The following SGMS1 variants were observed in gnomAD, a reference collection of about 807,000 sequenced individuals.
SGMS1 encodes phosphatidylcholine:ceramide cholinephosphotransferase 1.
SGMS1 carries 13 observed loss-of-function variants against 46.2 expected under a neutral mutation model. That is an observed-to-expected ratio of 0.28 (90% CI 0.18 to 0.45). SGMS1 has a LOEUF of 0.45. Among genes scored for constraint, SGMS1 ranks in the 20% least tolerant of loss-of-function variants. The pLI is 1.00. For missense variants in SGMS1, 324 were observed against 519.9 expected (o/e 0.62, Z 3.66); for synonymous variants, 203 against 187.8 (o/e 1.08, Z -0.66).
At chr10:50,362,778 C>T (rs1848270849) in intron 6 of SGMS1, among the ~76,000 whole-genome samples, 1 of 152,004 alleles carries the variant, frequency 6.6e-6, no homozygotes, top group Admixed American at 6.6e-5. Context: ...AGAATTGAAA[C>T]CACAATGTAA....
At chr10:50,599,495 A>G (rs1344264023) in intron 1 of SGMS1, among the ~76,000 whole-genome samples, 1 of 152,138 alleles carries the variant, frequency 6.6e-6, no homozygotes, top group Non-Finnish European at 1.5e-5. Context: ...GTCCTACTTA[A>G]GTTTATTCAA....
chr10:50,624,943 G>A (rs1588897158), upstream of SGMS1: 3 of 1,020,622 alleles, frequency 2.9e-6, no homozygotes, highest in Non-Finnish European at 1.2e-6. Flanking sequence ...GCGGCGCTCC[G>A]GGCAGCCATC....
At chr10:50,487,848 A>C (rs1220620292) in intron 3 of SGMS1, among the ~76,000 whole-genome samples, 1 of 152,116 alleles carries the variant, frequency 6.6e-6, no homozygotes, top group Non-Finnish European at 1.5e-5. Flanking sequence ...TTTAGAAAAC[A>C]TAATTGGGTT....
At chr10:50,441,968 T>TGA (rs1385566882) in intron 5 of SGMS1, among the ~76,000 whole-genome samples, 1 of 152,258 alleles carries the variant, frequency 6.6e-6, no homozygotes, top group Non-Finnish European at 1.5e-5. Flanking sequence ...CTTTGTCATT[T>TGA]GATCTTTCCT....
intron 8 of SGMS1, among the ~76,000 whole-genome samples, chr10:50,312,337 T>TAAAAAAA (rs10591253): frequency 1.5e-5 from 2 of 135,114 alleles, no homozygotes; most frequent in Admixed American, 7.4e-5. Flanking sequence ...TGTGAGAAAT[T>TAAAAAAA]AAAAAAAAAA....
intron 8 of SGMS1, among the ~76,000 whole-genome samples, chr10:50,313,834 G>A (rs981545811): frequency 3.3e-5 from 5 of 152,058 alleles, no homozygotes; most frequent in Non-Finnish European, 7.4e-5. Flanking sequence ...TGGCACTGAG[G>A]AAAAAGGCAA....
rs190627975 is a variant in SGMS1 at position 50,313,526 on chromosome 10, T to C, written c.742-2111A>G. 2.6e-3 allele frequency among the ~76,000 whole-genome samples: 391 copies of C among 152,350 alleles called. 1 individual carries two copies. The highest frequency in any genetic ancestry group is 8.4e-3 in the African/African-American group (350 of 41,572). ...GAGTTGTGTAGAACCATTTTAGTTT[T>C]CAAATTGCATGCCTGCATAAACATT... is the stretch of plus-strand genomic sequence containing the variant. On this transcript the variant is annotated intron_variant, in intron 8 of 10. Transcript: ENST00000361781.
At chr10:50,474,977 G>C (rs1257374441) in intron 3 of SGMS1, among the ~76,000 whole-genome samples, 1 of 152,152 alleles carries the variant, frequency 6.6e-6, no homozygotes, top group African/African-American at 2.4e-5. Flanking sequence ...GTCTGAAACT[G>C]TGAGTATTCA....
intron 6 of SGMS1, among the ~76,000 whole-genome samples, chr10:50,412,933 C>A (rs563900018): frequency 6.6e-6 from 1 of 152,292 alleles, no homozygotes; most frequent in Non-Finnish European, 1.5e-5. Flanking sequence ...AAAGTGATAT[C>A]TGTAAAGACA....
chr10:50,594,837 C>T (rs911803285), intron 1 of SGMS1, among the ~76,000 whole-genome samples: 1 of 152,130 alleles, frequency 6.6e-6, no homozygotes, highest in African/African-American at 2.4e-5. Flanking sequence ...AGTAGATAAT[C>T]AAAATAAGTT....
At chr10:50,312,154 A>C (rs1258127493) in intron 8 of SGMS1, among the ~76,000 whole-genome samples, 4 of 152,140 alleles carry the variant, frequency 2.6e-5, no homozygotes, top group African/African-American at 9.7e-5. Context: ...TGGTTGTCTA[A>C]TTTAATTACC....
intron 6 of SGMS1, among the ~76,000 whole-genome samples, chr10:50,363,567 T>C (rs1156392465): frequency 6.6e-6 from 1 of 152,002 alleles, no homozygotes; most frequent in Non-Finnish European, 1.5e-5. Flanking sequence ...GTTTCTAGAG[T>C]AGTGGACATT....
At chr10:50,514,057 C>T (rs1351915277) in intron 3 of SGMS1, among the ~76,000 whole-genome samples, 2 of 152,106 alleles carry the variant, frequency 1.3e-5, no homozygotes, top group Non-Finnish European at 2.9e-5. Flanking sequence ...AAAAAGTTGC[C>T]TGTGAGCACC....
upstream of SGMS1, chr10:50,625,152 C>G (rs549636876): frequency 6.5e-6 from 5 of 766,906 alleles, no homozygotes; most frequent in African/African-American, 7.5e-5. Context: ...TCGCCCGGGC[C>G]AGAAGCAAAC....
intron 5 of SGMS1, among the ~76,000 whole-genome samples, chr10:50,456,440 CT>C (rs1211727551): frequency 2.0e-5 from 3 of 152,140 alleles, no homozygotes; most frequent in Admixed American, 2.0e-4. Context: ...TTAATATAGT[CT>C]TTAAGAGAAC....
chr10:50,559,301 C>G (rs919152615), intron 2 of SGMS1, among the ~76,000 whole-genome samples: 3 of 152,206 alleles, frequency 2.0e-5, no homozygotes, highest in Admixed American at 1.3e-4. Flanking sequence ...TACAACCACA[C>G]AGCCCACCCT....
intron 8 of SGMS1, among the ~76,000 whole-genome samples, chr10:50,319,727 C>CT (rs1847409598): frequency 6.6e-6 from 1 of 152,136 alleles, no homozygotes; most frequent in Non-Finnish European, 1.5e-5. Context: ...TGCTGTATCC[C>CT]TCTCAGTGCA....
chr10:50,578,844 A>G (rs1044980667), intron 2 of SGMS1, among the ~76,000 whole-genome samples: 6 of 152,242 alleles, frequency 3.9e-5, no homozygotes, highest in African/African-American at 1.4e-4. Context: ...ATAATAGGAC[A>G]AAGATTAAAA....
At chr10:50,387,243 C>T (rs1338785307) in intron 6 of SGMS1, among the ~76,000 whole-genome samples, 2 of 152,162 alleles carry the variant, frequency 1.3e-5, no homozygotes, top group Non-Finnish European at 2.9e-5. Context: ...TTTCCTTAAC[C>T]ATTAAGGCAA....
Sources: allele counts gnomAD v4.1 joint callset (sites outside exome capture counted in the v4.1 genomes callset), GRCh38; gene constraint gnomAD v4.1.1; transcripts MANE v1.5; gene names NCBI Gene and HGNC (gene_info 2026-07-23, HGNC 2026-07-21).